The following MYO9A variants were observed in gnomAD, a reference collection of about 807,000 sequenced individuals.
MYO9A encodes unconventional myosin-IXa.
MYO9A carries 103 observed loss-of-function variants against 293.3 expected under a neutral mutation model. The observed-to-expected ratio is 0.35, with a 90% CI of 0.30 to 0.41. The LOEUF (loss-of-function observed/expected upper bound fraction) is 0.41. MYO9A is among the 10% of genes least tolerant of loss of function. MYO9A has a pLI of 1.00. For synonymous variants in MYO9A, 1,001 were observed against 1,035.7 expected (o/e 0.97, Z 0.64); for missense variants, 2,685 against 3,033.0 (o/e 0.89, Z 2.69).
Position 71,897,691 on chromosome 15 carries a change from G to C in MYO9A, c.4812C>G (p.Phe1604Leu), listed in dbSNP as rs1231862077. ...GGCATGGACTTCCTTTTCTTTCAAA[G>C]AACACGGTGACAGGTCGGTCCTTTG... is the stretch of plus-strand genomic sequence containing the variant. The part of the protein sequence containing the change: ...LPPKDRPVTV[F>L]FERKGSPCQS... The change falls in exon 25 of 42, where the codon TTC becomes TTG. Residue 1604 changes from phenylalanine (F) to leucine (L), a missense_variant. Physicochemically the swap from Phe to Leu is conservative, Grantham distance 22 (BLOSUM62 0). Transcript: ENST00000356056. 15 of 1,614,004 alleles carry C rather than the reference G, an allele frequency of 9.3e-6. No individual in the cohort carries two copies. Among genetic ancestry groups the C allele is most frequent in the Non-Finnish European group, 1.1e-5 (13 of 1,180,034 alleles).
chr15:71,940,269 C>T (rs983750895), intron 15 of MYO9A, among the ~76,000 whole-genome samples: 4 of 152,132 alleles, frequency 2.6e-5, no homozygotes, highest in African/African-American at 9.7e-5. Context: ...CCAAGACAGG[C>T]AGATTACTTG....
intron 16 of MYO9A, among the ~76,000 whole-genome samples, chr15:71,936,960 GGA>G (rs931592097): frequency 1.1e-4 from 16 of 150,306 alleles, no homozygotes; most frequent in African/African-American, 1.5e-4. Flanking sequence ...GAAAACAAAA[GGA>G]GAGAGAGAGG....
At chr15:71,961,886 A>AT (rs1034591263) in intron 13 of MYO9A, among the ~76,000 whole-genome samples, 10 of 151,872 alleles carry the variant, frequency 6.6e-5, no homozygotes, top group African/African-American at 2.4e-4. Flanking sequence ...CGTCTGGCTA[A>AT]TTTTTTTTCA....
At chr15:72,084,644 G>T (rs890791203) in intron 1 of MYO9A, among the ~76,000 whole-genome samples, 12 of 152,178 alleles carry the variant, frequency 7.9e-5, no homozygotes, top group African/African-American at 2.9e-4. Context: ...AGGAGCTCTT[G>T]TAAGACACGT....
chr15:71,916,044 T>C (rs2058002765), intron 19 of MYO9A, among the ~76,000 whole-genome samples: 1 of 152,116 alleles, frequency 6.6e-6, no homozygotes, highest in Non-Finnish European at 1.5e-5. Context: ...GAAAAAAACA[T>C]ATATCATTAT....
chr15:71,931,921 T>A (rs1020688803), intron 18 of MYO9A, among the ~76,000 whole-genome samples: 1 of 152,092 alleles, frequency 6.6e-6, no homozygotes, highest in African/African-American at 2.4e-5. Context: ...CTTTGTTTTT[T>A]GTTGTCTCCA....
intron 1 of MYO9A, among the ~76,000 whole-genome samples, chr15:72,064,031 T>A (rs955133181): frequency 6.6e-6 from 1 of 152,188 alleles, no homozygotes; most frequent in Non-Finnish European, 1.5e-5. Context: ...AACTGGAGGA[T>A]ACTATGTTAA....
intron 25 of MYO9A, 44 bp downstream of exon 25, chr15:71,897,417 T>C: frequency 6.5e-7 from 1 of 1,528,814 alleles, no homozygotes; most frequent in East Asian, 2.3e-5. Context: ...ATAAAAATAC[T>C]CCAAGAAGTT....
At chr15:71,913,304 AT>A (rs1427294041) in intron 19 of MYO9A, among the ~76,000 whole-genome samples, 1 of 152,010 alleles carries the variant, frequency 6.6e-6, no homozygotes, top group African/African-American at 2.4e-5. Context: ...TAAAAGTTCC[AT>A]TTGAGTCTTT....
At chr15:72,033,665 G>A (rs1475919598) in intron 2 of MYO9A, among the ~76,000 whole-genome samples, 1 of 152,232 alleles carries the variant, frequency 6.6e-6, no homozygotes, top group East Asian at 1.9e-4. Context: ...CTACAAAGGG[G>A]CACAATGGGT....
intron 1 of MYO9A, among the ~76,000 whole-genome samples, chr15:72,092,976 T>G (rs2079963951): frequency 6.6e-6 from 1 of 151,268 alleles, no homozygotes; most frequent in Non-Finnish European, 1.5e-5. Context: ...ATCACCTAGA[T>G]GAAGTAAAAA....
intron 2 of MYO9A, among the ~76,000 whole-genome samples, 171 bp downstream of exon 2, chr15:72,045,553 A>G (rs879669673): frequency 6.6e-6 from 1 of 152,158 alleles, no homozygotes; most frequent in Non-Finnish European, 1.5e-5. Context: ...GGCATGAGCC[A>G]TTGCGCCCAG....
At chr15:71,995,579 G>A (rs2076676454) in intron 9 of MYO9A, among the ~76,000 whole-genome samples, 1 of 151,236 alleles carries the variant, frequency 6.6e-6, no homozygotes, top group African/African-American at 2.4e-5. Context: ...AAAAAAGGGA[G>A]TAGAGTATGG....
At chr15:71,989,600 G>A (rs763347617) in intron 11 of MYO9A, among the ~76,000 whole-genome samples, 1 of 152,104 alleles carries the variant, frequency 6.6e-6, no homozygotes, top group Non-Finnish European at 1.5e-5. Flanking sequence ...CAGTGACCAA[G>A]CCCATGGTAG....
At chr15:71,850,953 T>G (rs1348175825) in intron 37 of MYO9A, among the ~76,000 whole-genome samples, 3 of 152,038 alleles carry the variant, frequency 2.0e-5, no homozygotes, top group Non-Finnish European at 4.4e-5. Context: ...TTAGGTCATT[T>G]CAATAGATTA....
intron 1 of MYO9A, among the ~76,000 whole-genome samples, chr15:72,104,653 A>G (rs536249737): frequency 1.3e-5 from 2 of 152,296 alleles, no homozygotes; most frequent in South Asian, 4.1e-4. Flanking sequence ...CCCTAAACCA[A>G]CTGTCATTCT....
intron 1 of MYO9A, among the ~76,000 whole-genome samples, chr15:72,047,693 A>C (rs8032957): frequency 0.93 from 140,160 of 151,078 alleles, 65,340 homozygotes; most frequent in Non-Finnish European, 0.97. Context: ...ATCAATATTT[A>C]CCTTATTTAT....
chr15:71,875,662 A>C (rs917165335), intron 32 of MYO9A, 129 bp downstream of exon 32: 2 of 405,226 alleles, frequency 4.9e-6, no homozygotes, highest in African/African-American at 4.2e-5. Flanking sequence ...TAAAGATATA[A>C]ATATGATTAT....
Position 72,117,915 on chromosome 15 carries a change from C to A in MYO9A, c.-307G>T. 2.5e-6 allele frequency: 1 copy of A among 398,638 alleles called. No individual in the cohort carries two copies. The highest frequency in any genetic ancestry group is 2.1e-5 in the African/African-American group (1 of 48,726). The allele number at this position is 398,638 out of a possible 1,614,324, so 24.7% of individuals were successfully genotyped here. A position where few individuals can be genotyped will look rare whatever the true frequency, so the allele number is the denominator to read the frequency against. The stretch of plus-strand genomic sequence containing the variant: ...TGAGCAGGCACATCCCCCGCCGCAC[C>A]CCGCCCAGAGAGCACGCGTTGGACC... On this transcript the variant is annotated 5_prime_UTR_variant, in exon 1 of 42. Transcript: ENST00000356056.
Sources: allele counts gnomAD v4.1 joint callset (sites outside exome capture counted in the v4.1 genomes callset), GRCh38; gene constraint gnomAD v4.1.1; transcripts MANE v1.5; gene names NCBI Gene and HGNC (gene_info 2026-07-23, HGNC 2026-07-21).